The following PSME4 variants were observed in gnomAD, a reference collection of about 807,000 sequenced individuals.
PSME4 encodes proteasome activator subunit 4.
Under a neutral mutation model 253.9 loss-of-function variants are expected in PSME4, and 89 were observed. The ratio of observed to expected loss-of-function variants is 0.35; its 90% CI spans 0.30 to 0.42. The LOEUF (loss-of-function observed/expected upper bound fraction) is 0.42. PSME4 is among the 10% of genes least tolerant of loss of function. The pLI, the probability that PSME4 is intolerant of heterozygous loss-of-function variation, is 1.00. For missense variants in PSME4, 2,014 were observed against 2,195.2 expected, an observed-to-expected ratio of 0.92 and a Z score of 1.65; for synonymous variants, 851 against 759.2, an observed-to-expected ratio of 1.12 and a Z score of -1.99.
At position 53,937,403 on chromosome 2, in the gene PSME4, T is replaced by A; in HGVS notation, c.683A>T (p.His228Leu). ...TGAACATACTTACTTAAAACCTTTATGATGAAGTTCTGGAGGAAGGGAGGT... is the reference window on the plus strand; with the variant it reads ...TGAACATACTTACTTAAAACCTTTAAGATGAAGTTCTGGAGGAAGGGAGGT... ...LPTSLPPELH[H>L]KGFKLWFDEL... The change falls in exon 5 of 47, where the codon CAT (histidine) becomes CTT (leucine). Residue 228 changes from histidine to leucine, a missense_variant. Physicochemically the swap from His to Leu is moderately conservative, Grantham distance 99 (BLOSUM62 -3). Around this residue, in one of 4 missense-constraint regions of PSME4, gnomAD observed 615 missense variants for 594.4 expected, o/e 1.03. Coordinates refer to ENST00000404125, the MANE Select transcript of PSME4 (RefSeq NM_014614.3). 2 of 1,597,816 alleles carry A rather than the reference T, an allele frequency of 1.3e-6. No individual in the cohort carries two copies. The highest frequency in any genetic ancestry group is 1.7e-6 in the Non-Finnish European group (2 of 1,172,210).
At position 53,893,690 on chromosome 2, in the gene PSME4, C is replaced by A. The variant is rs201669390; in HGVS notation, c.4022G>T (p.Arg1341Leu). ...TATAGTTACCTTAAAGAGGCAAAAA[C>A]GTCGTGGATTAAACTTATCTTTTCC... ...RKGKDKFNPR[R>L]FCLFKGIFRN... The change falls in exon 35 of 47, where the codon CGT becomes CTT. Residue 1341 changes from arginine to leucine, a missense_variant. Physicochemically the swap from Arg to Leu is moderately radical, Grantham distance 102 (BLOSUM62 -2). Transcript: ENST00000404125. 6.2e-7 allele frequency: 1 copy of A among 1,609,770 alleles called. No individual in the cohort carries two copies. Among genetic ancestry groups the A allele is most frequent in the Admixed American group, 1.7e-5 (1 of 59,592 alleles).
chr2:53,915,156 G>A (rs549792743), intron 20 of PSME4, among the ~76,000 whole-genome samples: 1 of 152,254 alleles, frequency 6.6e-6, no homozygotes, highest in East Asian at 1.9e-4. Flanking sequence ...CTAAGCTTTG[G>A]CTGGGCGTGG....
intron 29 of PSME4, 91 bp downstream of exon 29, chr2:53,899,790 C>T (rs1346634232): frequency 6.9e-7 from 1 of 1,459,238 alleles, no homozygotes. Context: ...TGTACTCCAG[C>T]CTGGGCAACA....
At chr2:53,921,695 C>T (rs1259859589) in intron 17 of PSME4, among the ~76,000 whole-genome samples, 4 of 137,084 alleles carry the variant, frequency 2.9e-5, no homozygotes, top group African/African-American at 5.3e-5. Flanking sequence ...GGTGAAACCC[C>T]GTCTCTACTA....
chr2:53,878,547 G>T (rs771231588), intron 41 of PSME4, among the ~76,000 whole-genome samples: 2 of 152,218 alleles, frequency 1.3e-5, no homozygotes, highest in Non-Finnish European at 2.9e-5. Context: ...GCAAATAGGA[G>T]AAATATCGCT....
chr2:53,936,587 C>A (rs760013059), intron 6 of PSME4, among the ~76,000 whole-genome samples, 177 bp downstream of exon 6: 28 of 151,322 alleles, frequency 1.9e-4, no homozygotes, highest in Non-Finnish European at 2.9e-4. Context: ...TAGAATACAA[C>A]AAATAATATA....
intron 41 of PSME4, among the ~76,000 whole-genome samples, chr2:53,877,259 A>C (rs1456974171): frequency 6.6e-6 from 1 of 151,140 alleles, no homozygotes; most frequent in Non-Finnish European, 1.5e-5. Flanking sequence ...AAAAAAAAAA[A>C]AAAAAAAAAA....
intron 32 of PSME4, 45 bp from the exon 33 acceptor site, chr2:53,895,781 C>A: frequency 6.7e-7 from 1 of 1,498,232 alleles, no homozygotes; most frequent in South Asian, 1.3e-5. Context: ...AAATATTCGC[C>A]CAACAATTAT....
chr2:53,939,449 G>T (rs1227715620), intron 4 of PSME4, among the ~76,000 whole-genome samples: 2 of 152,182 alleles, frequency 1.3e-5, no homozygotes, highest in East Asian at 3.9e-4. Flanking sequence ...TAATTGGCTG[G>T]GAGTGGTGGC....
chr2:53,876,873 G>A (rs1278917330), intron 41 of PSME4, among the ~76,000 whole-genome samples: 1 of 151,184 alleles, frequency 6.6e-6, no homozygotes, highest in East Asian at 2.0e-4. Flanking sequence ...ACGCACCACC[G>A]TGTCCAGCTA....
chr2:53,926,056 A>G (rs779925251), intron 12 of PSME4, 33 bp from the exon 13 acceptor site: 5 of 1,561,472 alleles, frequency 3.2e-6, no homozygotes, highest in South Asian at 2.2e-5. Flanking sequence ...AAGATTACAT[A>G]TAGCCTTTGT....
rs1678520558 is a variant in PSME4 at position 53,865,449 on chromosome 2, A to G, written c.*129T>C. Reference sequence around the variant, plus strand: ...GGAATGCAGACTAACGAGATCTAACACAGAAACCACCAAAATGATGAGAGC... The same window carrying G: ...GGAATGCAGACTAACGAGATCTAACGCAGAAACCACCAAAATGATGAGAGC... On this transcript the variant is annotated 3_prime_UTR_variant, in exon 47 of 47. Transcript: ENST00000404125. 6.6e-6 allele frequency: 1 copy of G among 152,236 alleles called. No individual in the cohort carries two copies. The highest frequency in any genetic ancestry group is 2.4e-5 in the African/African-American group (1 of 41,454). The allele number at this position is 152,236 out of a possible 1,614,324, so 9.4% of individuals were successfully genotyped here.
chr2:53,924,444 T>C (rs891082466), intron 14 of PSME4, among the ~76,000 whole-genome samples: 3 of 152,296 alleles, frequency 2.0e-5, no homozygotes, highest in Admixed American at 6.5e-5. Flanking sequence ...TTACAAATAA[T>C]AGGTACCAAC....
chr2:53,943,766 C>T (rs770620877), intron 3 of PSME4, among the ~76,000 whole-genome samples: 18 of 143,426 alleles, frequency 1.3e-4, no homozygotes, highest in Admixed American at 1.2e-3. Flanking sequence ...CGCTTGAACT[C>T]GGGAGGCGGA....
At chr2:53,960,382 G>C (rs1014214910) in intron 1 of PSME4, among the ~76,000 whole-genome samples, 4 of 144,176 alleles carry the variant, frequency 2.8e-5, no homozygotes, top group African/African-American at 1.0e-4. Flanking sequence ...CTGGGCAACA[G>C]AGCGAGACTC....
chr2:53,931,103 C>T (rs954956776), intron 10 of PSME4, among the ~76,000 whole-genome samples: 2 of 152,270 alleles, frequency 1.3e-5, no homozygotes, highest in South Asian at 2.1e-4. Context: ...CATGGTGAAA[C>T]GCCGTCTCTA....
chr2:53,881,929 G>A (rs1314041338), intron 41 of PSME4, among the ~76,000 whole-genome samples: 25 of 151,962 alleles, frequency 1.6e-4, no homozygotes. Context: ...CGAAAGCCAG[G>A]ACTTTGTAAG....
chr2:53,924,405 C>T (rs898620911), intron 14 of PSME4, among the ~76,000 whole-genome samples: 1 of 152,062 alleles, frequency 6.6e-6, no homozygotes, highest in Non-Finnish European at 1.5e-5. Context: ...AAAGTGTAGT[C>T]TTAAAGGCTA....
Position 53,940,952 on chromosome 2 carries a change from C to CATATTTAAATAT in PSME4, c.501-953_501-952insATATTTAAATAT, listed in dbSNP as rs61078234. ...TAATACATATATAAATATATATATA[C>CATATTTAAATAT]ATATATATATATATATATATATATA... On this transcript the variant is annotated intron_variant, in intron 3 of 46. Coordinates refer to ENST00000404125, the MANE Select transcript of PSME4 (RefSeq NM_014614.3). Among the ~76,000 whole-genome samples, 201 of 24,000 alleles carry CATATTTAAATAT rather than the reference C, an allele frequency of 8.4e-3. 25 individuals carry two copies. Among genetic ancestry groups the CATATTTAAATAT allele is most frequent in the East Asian group, 0.02 (17 of 848 alleles). 15.7% of individuals were successfully genotyped at this position (24,000 alleles called of 152,430 possible). A position where few individuals can be genotyped will look rare whatever the true frequency, so the allele number is the denominator to read the frequency against.
Sources: allele counts gnomAD v4.1 joint callset (sites outside exome capture counted in the v4.1 genomes callset), GRCh38; gene constraint gnomAD v4.1.1; regional missense constraint gnomAD v4.1.1; transcripts MANE v1.5; gene names NCBI Gene and HGNC (gene_info 2026-07-23, HGNC 2026-07-21).